CSNK2A2IP: variants seen among roughly 807,000 people sequenced by gnomAD.
The protein encoded by CSNK2A2IP is casein kinase 2 subunit alpha' interacting protein.
the CSNK2A2IP span, among the ~76,000 whole-genome samples, chr3:88,424,459 T>C: frequency 6.6e-6 from 1 of 152,220 alleles, no homozygotes; most frequent in African/African-American, 2.4e-5. Flanking sequence ...AGAGATATGG[T>C]ATTTGGGAGA....
At chr3:88,465,346 C>T in the CSNK2A2IP span, 2 of 1,230,870 alleles carry the variant, frequency 1.6e-6, no homozygotes, top group Admixed American at 8.4e-5. Context: ...AAGACCTCTA[C>T]TACAACACAA....
At chr3:88,381,710 G>A in the CSNK2A2IP span, among the ~76,000 whole-genome samples, 1 of 152,164 alleles carries the variant, frequency 6.6e-6, no homozygotes, top group African/African-American at 2.4e-5. Context: ...TTTCAGCAGC[G>A]ACACAATTTA....
At chr3:88,399,961 C>A in the CSNK2A2IP span, 14 of 151,886 alleles carry the variant, frequency 9.2e-5, no homozygotes, top group African/African-American at 3.1e-4. Flanking sequence ...AATCAAAAAG[C>A]AAAAAGTATA....
the CSNK2A2IP span, among the ~76,000 whole-genome samples, chr3:88,381,982 A>T: frequency 6.6e-6 from 1 of 152,202 alleles, no homozygotes; most frequent in Non-Finnish European, 1.5e-5. Flanking sequence ...TCTGACCAGG[A>T]GATCAACTAT....
At chr3:88,368,434 T>C in the CSNK2A2IP span, among the ~76,000 whole-genome samples, 1 of 152,044 alleles carries the variant, frequency 6.6e-6, no homozygotes, top group Admixed American at 6.6e-5. Flanking sequence ...GAAGAGGCAT[T>C]TGAATTGAGG....
chr3:88,363,568 A>G, the CSNK2A2IP span, among the ~76,000 whole-genome samples: 1 of 152,038 alleles, frequency 6.6e-6, no homozygotes, highest in Non-Finnish European at 1.5e-5. Context: ...ATGCTTGGTA[A>G]TCGTTGATTT....
At chr3:88,433,362 A>T in the CSNK2A2IP span, among the ~76,000 whole-genome samples, 2 of 152,098 alleles carry the variant, frequency 1.3e-5, no homozygotes, top group African/African-American at 2.4e-5. Context: ...AATTTCAATT[A>T]CTAAGTTGTT....
chr3:88,399,743 T>C, the CSNK2A2IP span: 1 of 152,116 alleles, frequency 6.6e-6, no homozygotes, highest in Non-Finnish European at 1.5e-5. Flanking sequence ...TTAGCGAAGC[T>C]GAACAAGAAA....
chr3:88,400,311 AT>A, the CSNK2A2IP span, among the ~76,000 whole-genome samples: 8 of 152,106 alleles, frequency 5.3e-5, no homozygotes, highest in African/African-American at 1.9e-4. Context: ...GAGCTGAATG[AT>A]CCTTTTTAGT....
chr3:88,428,047 G>T, the CSNK2A2IP span, among the ~76,000 whole-genome samples: 1 of 152,166 alleles, frequency 6.6e-6, no homozygotes, highest in East Asian at 1.9e-4. Context: ...GGGTTGCAAA[G>T]CCACAGGGGT....
At chr3:88,407,777 G>A in the CSNK2A2IP span, among the ~76,000 whole-genome samples, 6 of 152,054 alleles carry the variant, frequency 3.9e-5, no homozygotes, top group African/African-American at 9.7e-5. Flanking sequence ...AGGGTGGAGT[G>A]CAGTGGCGCG....
the CSNK2A2IP span, among the ~76,000 whole-genome samples, chr3:88,403,445 A>T: frequency 2.0e-5 from 3 of 152,000 alleles, no homozygotes; most frequent in African/African-American, 4.8e-5. Flanking sequence ...AGAATATCTT[A>T]CTCATTGATA....
At chr3:88,403,349 A>G in the CSNK2A2IP span, among the ~76,000 whole-genome samples, 12 of 152,152 alleles carry the variant, frequency 7.9e-5, no homozygotes, top group Admixed American at 1.3e-4. Context: ...CACCATTGAA[A>G]AATGTAACTT....
chr3:88,391,122 G>T, the CSNK2A2IP span, among the ~76,000 whole-genome samples: 1 of 152,172 alleles, frequency 6.6e-6, no homozygotes, highest in African/African-American at 2.4e-5. Context: ...CAAAGACTAA[G>T]TGAAGAGCCT....
chr3:88,384,379 C>CA, the CSNK2A2IP span, among the ~76,000 whole-genome samples: 45,411 of 142,782 alleles, frequency 0.32, 7,225 homozygotes, highest in Admixed American at 0.42. Context: ...AAAAAAAAAA[C>CA]AAAAAAACAA....
the CSNK2A2IP span, among the ~76,000 whole-genome samples, chr3:88,392,639 G>C: frequency 6.6e-6 from 1 of 152,154 alleles, no homozygotes; most frequent in Non-Finnish European, 1.5e-5. Context: ...TTGAATTTTG[G>C]AGTGGGTAAG....
the CSNK2A2IP span, among the ~76,000 whole-genome samples, chr3:88,442,865 A>T: frequency 1.3e-5 from 2 of 151,804 alleles, no homozygotes; most frequent in Non-Finnish European, 1.5e-5. Flanking sequence ...CTTAATATAA[A>T]GAAGACGGGC....
the CSNK2A2IP span, among the ~76,000 whole-genome samples, chr3:88,428,778 A>G: frequency 6.6e-6 from 1 of 152,140 alleles, no homozygotes; most frequent in Non-Finnish European, 1.5e-5. Context: ...AATGAGACTT[A>G]GCATCTTCAT....
chr3:88,437,180 T>G, the CSNK2A2IP span, among the ~76,000 whole-genome samples: 1 of 152,196 alleles, frequency 6.6e-6, no homozygotes, highest in African/African-American at 2.4e-5. Context: ...TTTTCACACT[T>G]ATGTACATTT....
Sources: allele counts gnomAD v4.1 joint callset (sites outside exome capture counted in the v4.1 genomes callset), GRCh38; gene constraint gnomAD v4.1.1; transcripts MANE v1.5; gene names NCBI Gene and HGNC (gene_info 2026-07-23, HGNC 2026-07-21).